Variants in FOXP4 observed in about 807,000 individuals in gnomAD.
FOXP4 encodes the protein forkhead box P4, also known as forkhead box protein P4.
FOXP4 carries 25 observed loss-of-function variants against 82.6 expected under a neutral mutation model. The ratio of observed to expected loss-of-function variants is 0.30; its 90% CI spans 0.22 to 0.42. FOXP4 has a LOEUF of 0.42. Among genes scored for constraint, FOXP4 ranks in the 10% least tolerant of loss-of-function variants. FOXP4 has a pLI of 1.00. For missense variants in FOXP4, 785 were observed against 900.9 expected, an observed-to-expected ratio of 0.87 and a Z score of 1.65; for synonymous variants, 415 against 388.2, an observed-to-expected ratio of 1.07 and a Z score of -0.81.
At position 41,591,471 on chromosome 6, in the gene FOXP4, A is replaced by G; in HGVS notation, c.1536+149A>G. 1.5e-6 allele frequency: 1 copy of G among 678,364 alleles called. No individual in the cohort carries two copies. The highest frequency in any genetic ancestry group is 1.8e-5 in the African/African-American group (1 of 56,478). 42.0% of individuals were successfully genotyped at this position (678,364 alleles called of 1,614,324 possible). A position where few individuals can be genotyped will look rare whatever the true frequency, so the allele number is the denominator to read the frequency against. On this transcript the variant is annotated intron_variant, in intron 13 of 16. Coordinates refer to ENST00000307972, the MANE Select transcript of FOXP4 (RefSeq NM_001012426.2). The surrounding 1 kb of genome is among the most constrained non-coding windows in gnomAD (Gnocchi z 4.2). ...AGGGCCCAGCCAGGGCTGCATGCCC[A>G]CGCCCACCTCAGCAGGGGCTGTGGA...
At chr6:41,577,863 C>G (rs1765572352) in intron 2 of FOXP4, 123 bp from the exon 3 acceptor site, 5 of 656,566 alleles carry the variant, frequency 7.6e-6, no homozygotes, top group Non-Finnish European at 1.3e-5. Flanking sequence ...ACCCATGACC[C>G]TCTCACCCCC....
At chr6:41,590,462 T>A in intron 12 of FOXP4, 115 bp downstream of exon 12, 1 of 1,112,198 alleles carries the variant, frequency 9.0e-7, no homozygotes, top group South Asian at 1.5e-5. Context: ...GCTGTCCCGC[T>A]CCCTCTCACG....
At chr6:41,589,137 A>G (rs1443516629) in intron 9 of FOXP4, among the ~76,000 whole-genome samples, 3 of 152,236 alleles carry the variant, frequency 2.0e-5, no homozygotes, top group Non-Finnish European at 4.4e-5. Flanking sequence ...ACACAGAGCT[A>G]AAGTAACTTG....
At chr6:41,578,531 T>A (rs1333917339) in intron 3 of FOXP4, among the ~76,000 whole-genome samples, 1 of 151,104 alleles carries the variant, frequency 6.6e-6, no homozygotes. Context: ...CCCCCTTCTC[T>A]TATCCTCCCC....
intron 2 of FOXP4, among the ~76,000 whole-genome samples, chr6:41,577,447 G>A (rs1360626398): frequency 2.0e-5 from 3 of 152,140 alleles, no homozygotes; most frequent in Admixed American, 1.3e-4. Flanking sequence ...AGTTGGCCTT[G>A]GAGCCAGGCT....
chr6:41,567,405 C>G (rs1042506842), intron 2 of FOXP4, among the ~76,000 whole-genome samples: 2 of 152,222 alleles, frequency 1.3e-5, no homozygotes, highest in Non-Finnish European at 1.5e-5. Context: ...GCTGGCATCT[C>G]CCAAGCCTTC....
Position 41,593,898 on chromosome 6 carries a change from A to T in FOXP4, c.1537-972A>T, listed in dbSNP as rs1766662573. ...CCCCGTTTAGAAATGTAAAGAGGAG[A>T]CAAGGATGGGGACGAGGCGGGGGAG... On this transcript the variant is annotated intron_variant, in intron 13 of 16. Transcript: ENST00000307972. This position sits in a 1 kb window ranked among gnomAD's most constrained non-coding sequence, Gnocchi z 4.1. 6.6e-6 allele frequency among the ~76,000 whole-genome samples: 1 copy of T among 152,174 alleles called. No individual in the cohort carries two copies. The highest frequency in any genetic ancestry group is 6.5e-5 in the Admixed American group (1 of 15,280).
chr6:41,583,354 C>T (rs1765912341), intron 3 of FOXP4, among the ~76,000 whole-genome samples: 1 of 152,204 alleles, frequency 6.6e-6, no homozygotes, highest in Non-Finnish European at 1.5e-5. Context: ...CCTGCCTCTG[C>T]CAGGCATTGA....
rs1767235567 is a variant in FOXP4 at position 41,602,124 on chromosome 6, G to T, written c.*3188G>T. On this transcript the variant is annotated 3_prime_UTR_variant, in exon 17 of 17. Coordinates refer to ENST00000307972, the MANE Select transcript of FOXP4 (RefSeq NM_001012426.2). The stretch of plus-strand genomic sequence containing the variant: ...CACTCTGCAGGCCTGCTCCACCACA[G>T]CCCTAATCCTCTGGACGCTTGTGTA... 6.6e-6 allele frequency: 1 copy of T among 152,238 alleles called. No individual in the cohort carries two copies. 9.4% of individuals were successfully genotyped at this position (152,238 alleles called of 1,614,324 possible).
intron 2 of FOXP4, among the ~76,000 whole-genome samples, chr6:41,577,724 A>T (rs1562028958): frequency 1.3e-5 from 2 of 151,604 alleles, no homozygotes; most frequent in Non-Finnish European, 2.9e-5. Flanking sequence ...GGGCCCTTCC[A>T]TTTGCTGTCC....
At chr6:41,571,557 G>C (rs1009507570) in intron 2 of FOXP4, among the ~76,000 whole-genome samples, 5 of 152,148 alleles carry the variant, frequency 3.3e-5, no homozygotes, top group African/African-American at 7.2e-5. Flanking sequence ...TCCCACCCAC[G>C]TGGGCCTGTC....
Position 41,598,823 on chromosome 6 carries a change from G to C in FOXP4, c.1930G>C (p.Ala644Pro), listed in dbSNP as rs1461771933. The part of the protein sequence containing the change: ...QVQVKEEPAE[A>P]EEDRQPGPPL... ...GCAGGTGAAGGAGGAGCCAGCAGAG[G>C]CAGAGGAAGACAGGCAGCCCGGGCC... is the stretch of plus-strand genomic sequence containing the variant. Residue 644 changes from alanine (A) to proline (P), a missense_variant, in exon 17 of 17, where the codon GCA (alanine) becomes CCA (proline). By Grantham distance (27) the Ala-to-Pro change is conservative (BLOSUM62 -1). Coordinates refer to ENST00000307972, the MANE Select transcript of FOXP4 (RefSeq NM_001012426.2). 1.3e-6 allele frequency: 2 copies of C among 1,573,372 alleles called. No homozygotes were observed.
At chr6:41,579,779 G>GATTC (rs978966354) in intron 3 of FOXP4, among the ~76,000 whole-genome samples, 2 of 152,120 alleles carry the variant, frequency 1.3e-5, no homozygotes, top group Non-Finnish European at 2.9e-5. Flanking sequence ...TTCATTGATT[G>GATTC]ATTCATTCAT....
At chr6:41,592,511 A>C (rs1460599947) in intron 13 of FOXP4, among the ~76,000 whole-genome samples, 1 of 152,214 alleles carries the variant, frequency 6.6e-6, no homozygotes, top group African/African-American at 2.4e-5. Context: ...TCCAGTCTCC[A>C]ACCTCCAAGT....
At chr6:41,551,370 C>G (rs960357288) in intron 1 of FOXP4, among the ~76,000 whole-genome samples, 1 of 152,178 alleles carries the variant, frequency 6.6e-6, no homozygotes, top group Non-Finnish European at 1.5e-5. Context: ...CTCTTGAGAT[C>G]AGGGTCTTTT....
intron 8 of FOXP4, among the ~76,000 whole-genome samples, chr6:41,588,113 C>G (rs979931325): frequency 1.3e-5 from 2 of 152,206 alleles, no homozygotes; most frequent in Non-Finnish European, 2.9e-5. Flanking sequence ...TCCCCTGACT[C>G]CATCCCCAGC....
chr6:41,588,611 C>A (rs746874092), intron 8 of FOXP4, 33 bp from the exon 9 acceptor site: 1 of 1,609,708 alleles, frequency 6.2e-7, no homozygotes, highest in Middle Eastern at 1.7e-4. Context: ...GAAACCGGAG[C>A]CAACTTTCTC....
At chr6:41,587,745 T>G in intron 7 of FOXP4, 48 bp from the exon 8 acceptor site, 1 of 1,307,182 alleles carries the variant, frequency 7.7e-7, no homozygotes, top group Non-Finnish European at 1.1e-6. Flanking sequence ...ACAGGGCCGC[T>G]GGGGTCTTCA....
rs780882681 is a variant in FOXP4, at chr6:41,585,469, C to T, written c.462C>T (p.His154=). The T allele has an allele frequency of 1.2e-5, 19 of 1,613,834 alleles. No individual in the cohort carries two copies. The highest frequency in any genetic ancestry group is 4.5e-5 in the East Asian group (2 of 44,882). Residue 154 remains histidine (H), a synonymous_variant, in exon 5 of 17, where the codon CAC becomes CAT. Transcript: ENST00000307972. ...ACAAGAAGCAGCAGGAGCAGCTCCA[C>T]CTGCAGCTCCTCACCCAGCAGCAGG... ...EYYKKQQEQL[H]LQLLTQQQAG...
Sources: gnomAD v4.1 joint callset for allele counts (sites outside exome capture counted in the v4.1 genomes callset) on GRCh38, gnomAD v4.1.1 for gene constraint, Gnocchi (gnomAD v3.1) non-coding constraint, MANE v1.5 for transcripts, NCBI Gene and HGNC (gene_info 2026-07-23, HGNC 2026-07-21) for gene names.